The following SPO11 variants were observed in gnomAD, a reference collection of about 807,000 sequenced individuals.
The protein encoded by SPO11 is SPO11 initiator of meiotic double strand breaks.
Under a neutral mutation model 51.6 loss-of-function variants are expected in SPO11, and 49 were observed. The ratio of observed to expected loss-of-function variants is 0.95; its 90% CI spans 0.75 to 1.20. The LOEUF is 1.20. Ranked by LOEUF, SPO11 falls within the 50% of genes most tolerant of loss-of-function variation. SPO11 has a pLI of 0.00. For synonymous variants in SPO11, 176 were observed against 158.2 expected (o/e 1.11, Z -0.84); for missense variants, 431 against 473.4 (o/e 0.91, Z 0.83).
chr20:57,343,572 A>T lies in SPO11; in HGVS notation c.*112A>T. 1 of 1,200,128 alleles carries T rather than the reference A, an allele frequency of 8.3e-7. No homozygotes were observed. The allele number at this position is 1,200,128 out of a possible 1,614,324, so 74.3% of individuals were successfully genotyped here. Reference sequence around the variant, plus strand: ...TTATATTCTTAATTCTGTAAAAGTGAAATAAAATAACTTTCCGTTAATTAT... The same window carrying T: ...TTATATTCTTAATTCTGTAAAAGTGTAATAAAATAACTTTCCGTTAATTAT... On this transcript the variant is annotated 3_prime_UTR_variant, in exon 13 of 13. Transcript: ENST00000371263.
In SPO11 at chr20:57,338,380, T is replaced by C. The variant is rs1317932004; in HGVS notation, c.844+5T>C. On this transcript the variant is annotated splice_donor_5th_base_variant and intron_variant, in intron 9 of 12. Coordinates refer to ENST00000371263, the MANE Select transcript of SPO11 (RefSeq NM_012444.3). ...TTGTAGATGCTGATCCACATGGTAA[T>C]TTATCACTGGACTATTTACAACAAT... 1 of 1,560,480 alleles carries C rather than the reference T, an allele frequency of 6.4e-7. No individual in the cohort carries two copies. Among genetic ancestry groups the C allele is most frequent in the East Asian group, 2.2e-5 (1 of 44,636 alleles).
rs555036124 is a variant in SPO11 at position 57,343,182 on chromosome 20, G to C, written c.1072-159G>C. Among the ~76,000 whole-genome samples, 15 of 152,288 alleles carry C rather than the reference G, an allele frequency of 9.8e-5. No individual in the cohort carries two copies. In the South Asian group the frequency reaches 1.5e-3, roughly 15 times the overall value. The stretch of plus-strand genomic sequence containing the variant: ...CAGCATACAGAGTACTCTCACTCCA[G>C]ATATTTTTAGCTGTAGCAGCTCTGG... On this transcript the variant is annotated intron_variant, in intron 12 of 12. Transcript: ENST00000371263.
intron 11 of SPO11, among the ~76,000 whole-genome samples, 158 bp downstream of exon 11, chr20:57,340,336 A>G (rs554895089): frequency 2.6e-5 from 4 of 152,358 alleles, no homozygotes; most frequent in Middle Eastern, 3.4e-3. Flanking sequence ...TAAATTCATT[A>G]ATGTTTCTGT....
chr20:57,338,271 T>G lies in SPO11; in HGVS notation c.745-5T>G. The stretch of plus-strand genomic sequence containing the variant: ...TAAAATTCTTAATTTTCATCTTCCT[T>G]TTAGGGAAAGGGAGTTCCTGATCTA... On this transcript the variant is annotated splice_region_variant and splice_polypyrimidine_tract_variant and intron_variant, in intron 8 of 12. Coordinates refer to ENST00000371263, the MANE Select transcript of SPO11 (RefSeq NM_012444.3). 1 of 1,592,610 alleles carries G rather than the reference T, an allele frequency of 6.3e-7. No homozygotes were observed. The highest frequency in any genetic ancestry group is 8.6e-7 in the Non-Finnish European group (1 of 1,163,054).
rs996202302 is a variant in SPO11, at chr20:57,332,026, A to AT, written c.245+87dup. ...TTATTTGAATTAGAGTTCTGGTCAT[A>AT]TTTTTTTCATTTTATTGCCTTTACC... On this transcript the variant is annotated intron_variant, in intron 2 of 12. Coordinates refer to ENST00000371263, the MANE Select transcript of SPO11 (RefSeq NM_012444.3). The AT allele has an allele frequency of 4.4e-5, 37 of 850,292 alleles. No individual in the cohort carries two copies. In the African/African-American group the frequency reaches 4.6e-4, roughly 11 times the overall value. The allele number at this position is 850,292 out of a possible 1,614,324, so 52.7% of individuals were successfully genotyped here.
chr20:57,333,056 C>A, intron 2 of SPO11, 132 bp from the exon 3 acceptor site: 1 of 627,164 alleles, frequency 1.6e-6, no homozygotes, highest in East Asian at 2.9e-5. Flanking sequence ...CCAGTTGATC[C>A]TAAAGCTTCA....
chr20:57,338,182 C>A, intron 8 of SPO11, 94 bp from the exon 9 acceptor site: 2 of 930,586 alleles, frequency 2.1e-6, no homozygotes, highest in Non-Finnish European at 3.3e-6. Context: ...TGAACCACTG[C>A]GTCCAGCCTA....
chr20:57,335,577 G>T, intron 7 of SPO11, 122 bp downstream of exon 7: 1 of 935,862 alleles, frequency 1.1e-6, no homozygotes, highest in South Asian at 1.6e-5. Context: ...CAGTCAAGAT[G>T]AACACACCAT....
chr20:57,342,973 CA>C (rs1278315003), intron 12 of SPO11, 133 bp downstream of exon 12: 26 of 680,216 alleles, frequency 3.8e-5, no homozygotes, highest in Non-Finnish European at 4.3e-5. Context: ...TGTTGTTTGG[CA>C]GTAAATAGTT....
intron 11 of SPO11, among the ~76,000 whole-genome samples, chr20:57,340,469 A>G (rs1699465824): frequency 6.6e-6 from 1 of 152,246 alleles, no homozygotes; most frequent in South Asian, 2.1e-4. Flanking sequence ...TTAAAAGTAC[A>G]ATACATTGTA....
chr20:57,331,967 T>C, intron 2 of SPO11, 21 bp downstream of exon 2: 1 of 1,378,840 alleles, frequency 7.3e-7, no homozygotes, highest in South Asian at 1.3e-5. Context: ...TGCATTTTTA[T>C]TTTTTAAATG....
chr20:57,343,644 C>T lies in SPO11; in HGVS notation c.*184C>T, dbSNP rs1187332784. On this transcript the variant is annotated 3_prime_UTR_variant, in exon 13 of 13. Transcript: ENST00000371263. Reference sequence around the variant, plus strand: ...CTGTACTCCAATTTTCTTTGCAAGGCCTTATTCTTGCCTCTATAGAGACAG... The same window carrying T: ...CTGTACTCCAATTTTCTTTGCAAGGTCTTATTCTTGCCTCTATAGAGACAG... 7.2e-6 allele frequency: 4 copies of T among 556,860 alleles called. No individual in the cohort carries two copies. In the East Asian group the frequency reaches 1.2e-4, roughly 16 times the overall value. 34.5% of individuals were successfully genotyped at this position (556,860 alleles called of 1,614,324 possible).
intron 7 of SPO11, 31 bp downstream of exon 7, chr20:57,335,486 T>G (rs3764674): frequency 0.17 from 270,782 of 1,591,602 alleles, 24,803 homozygotes; most frequent in South Asian, 0.28. Context: ...CTATTTAAAC[T>G]TTTGGAATGT....
chr20:57,334,706 A>T (rs1023453838), intron 5 of SPO11, 44 bp from the exon 6 acceptor site: 1 of 1,510,842 alleles, frequency 6.6e-7, no homozygotes, highest in Non-Finnish European at 9.2e-7. Context: ...AGCATAAAAC[A>T]TATTCGTGAA....
At position 57,343,613 on chromosome 20, in the gene SPO11, C is replaced by A; in HGVS notation, c.*153C>A. ...CGTTAATTATATATTTTTGTCAAAA[C>A]AAATGCTGTACTCCAATTTTCTTTG... On this transcript the variant is annotated 3_prime_UTR_variant, in exon 13 of 13. Transcript: ENST00000371263. The A allele has an allele frequency of 1.1e-6, 1 of 880,228 alleles. No individual in the cohort carries two copies. The highest frequency in any genetic ancestry group is 1.6e-6 in the Non-Finnish European group (1 of 625,558). 54.5% of individuals were successfully genotyped at this position (880,228 alleles called of 1,614,324 possible).
chr20:57,332,797 A>G (rs777960301), intron 2 of SPO11, among the ~76,000 whole-genome samples: 3 of 152,230 alleles, frequency 2.0e-5, no homozygotes, highest in Non-Finnish European at 4.4e-5. Context: ...AAAGCTTATT[A>G]AATTGAGTAA....
intron 10 of SPO11, among the ~76,000 whole-genome samples, chr20:57,339,548 G>C (rs1426334016): frequency 1.3e-5 from 2 of 152,090 alleles, no homozygotes; most frequent in African/African-American, 4.8e-5. Flanking sequence ...CAGAACTACT[G>C]AGCCAAAATC....
rs569971353 is a variant in SPO11, at chr20:57,334,963, G to A, written c.597+127G>A. ...AGATTTCAAAATAAAACTGAAAGAT[G>A]GATAGGAATATGCTTTACAGAACTG... On this transcript the variant is annotated intron_variant, in intron 6 of 12. Transcript: ENST00000371263. 1.4e-5 allele frequency: 10 copies of A among 714,184 alleles called. No homozygotes were observed. In the African/African-American group the frequency reaches 1.6e-4, roughly 11 times the overall value. The allele number at this position is 714,184 out of a possible 1,614,324, so 44.2% of individuals were successfully genotyped here.
At chr20:57,338,039 C>T (rs2066534274) in intron 8 of SPO11, among the ~76,000 whole-genome samples, 2 of 152,054 alleles carry the variant, frequency 1.3e-5, no homozygotes, top group African/African-American at 4.8e-5. Flanking sequence ...AGGCGTGTAC[C>T]ACCACACCTG....
Sources: gnomAD v4.1 joint callset for allele counts (sites outside exome capture counted in the v4.1 genomes callset) on GRCh38, gnomAD v4.1.1 for gene constraint, MANE v1.5 for transcripts, NCBI Gene and HGNC (gene_info 2026-07-23, HGNC 2026-07-21) for gene names.